The following WDR59 variants were observed in gnomAD, a reference collection of about 807,000 sequenced individuals.
WDR59 encodes WD repeat domain 59.
Under a neutral mutation model 131.2 loss-of-function variants are expected in WDR59, and 100 were observed. The ratio of observed to expected loss-of-function variants is 0.76; its 90% CI spans 0.65 to 0.90. WDR59 has a LOEUF of 0.90. Ranked by LOEUF, WDR59 falls within the 40% of genes least tolerant of loss-of-function variation. The pLI is 0.00. For synonymous variants in WDR59, 601 were observed against 466.2 expected (o/e 1.29, Z -3.72); for missense variants, 1,203 against 1,262.2 (o/e 0.95, Z 0.71).
At chr16:74,910,306 G>A (rs1428739144) in intron 14 of WDR59, among the ~76,000 whole-genome samples, 2 of 152,108 alleles carry the variant, frequency 1.3e-5, no homozygotes, top group African/African-American at 2.4e-5. Context: ...CAGACACAAG[G>A]GTGATGCTGG....
At chr16:74,886,731 C>A (rs977413814) in intron 23 of WDR59, among the ~76,000 whole-genome samples, 2 of 151,904 alleles carry the variant, frequency 1.3e-5, no homozygotes, top group Admixed American at 6.6e-5. Flanking sequence ...ACCAGCCTGA[C>A]GAACATAGTG....
intron 14 of WDR59, chr16:74,911,982 A>C: frequency 3.4e-6 from 2 of 581,912 alleles, no homozygotes; most frequent in Non-Finnish European, 6.0e-6. Context: ...TTAGAATTCA[A>C]AGGAAGTCTA....
In WDR59 at chr16:74,915,751, CAGAG is replaced by C; in HGVS notation, c.1224+115_1224+118del. 6 of 1,463,806 alleles carry C rather than the reference CAGAG, an allele frequency of 4.1e-6. No individual in the cohort carries two copies. The South Asian group carries it at 7.5e-5, about 18-fold the overall frequency. The allele number at this position is 1,463,806 out of a possible 1,614,324, so 90.7% of individuals were successfully genotyped here. A position where few individuals can be genotyped will look rare whatever the true frequency, so the allele number is the denominator to read the frequency against. Reference sequence around the variant, plus strand: ...AAAACCCAGGAAATAAAAAAGCAAGCAGAGAGAGTTCTGTTAAAGCTGCAAAGCT... The same window carrying C: ...AAAACCCAGGAAATAAAAAAGCAAGCAGAGTTCTGTTAAAGCTGCAAAGCT... On this transcript the variant is annotated intron_variant, in intron 13 of 25. Transcript: ENST00000262144.
chr16:74,916,350 G>A, intron 11 of WDR59, 91 bp from the exon 12 acceptor site: 2 of 1,537,618 alleles, frequency 1.3e-6, no homozygotes, highest in Non-Finnish European at 1.8e-6. Flanking sequence ...AAAATGGGAA[G>A]GGCAAAGGAT....
At chr16:74,954,283 T>C (rs539505559) in intron 3 of WDR59, among the ~76,000 whole-genome samples, 1 of 149,692 alleles carries the variant, frequency 6.7e-6, no homozygotes, top group South Asian at 2.1e-4. Flanking sequence ...TCATGTGTGC[T>C]TGTAATCCCA....
intron 25 of WDR59, among the ~76,000 whole-genome samples, chr16:74,878,301 AAG>A (rs1964315601): frequency 1.3e-5 from 2 of 152,262 alleles, no homozygotes; most frequent in South Asian, 4.1e-4. Flanking sequence ...ATCTATTACA[AAG>A]ACTGGCATAT....
intron 14 of WDR59, 170 bp downstream of exon 14, chr16:74,912,028 T>C: frequency 1.2e-6 from 1 of 860,498 alleles, no homozygotes. Flanking sequence ...TGCTCTGATG[T>C]TTTCTGCACA....
chr16:74,951,374 C>T, intron 4 of WDR59, 84 bp downstream of exon 4: 1 of 1,340,260 alleles, frequency 7.5e-7, no homozygotes, highest in Non-Finnish European at 1.0e-6. Context: ...TCAAGCCATG[C>T]AAGGAGGACG....
intron 1 of WDR59, among the ~76,000 whole-genome samples, chr16:74,975,782 A>G (rs553735556): frequency 6.6e-6 from 1 of 152,080 alleles, no homozygotes; most frequent in Non-Finnish European, 1.5e-5. Flanking sequence ...AAATCTTAAC[A>G]CAGTCTGGCA....
At chr16:74,937,578 T>C (rs540425335) in intron 8 of WDR59, among the ~76,000 whole-genome samples, 7 of 152,196 alleles carry the variant, frequency 4.6e-5, no homozygotes, top group Non-Finnish European at 7.3e-5. Context: ...CTCAGCTCAA[T>C]GCAACCTTTG....
chr16:74,886,513 G>A (rs923851521), intron 23 of WDR59, 117 bp from the exon 24 acceptor site: 3 of 1,344,604 alleles, frequency 2.2e-6, no homozygotes, highest in East Asian at 4.9e-5. Context: ...TGTTAAGCGA[G>A]GCTGAATATT....
chr16:74,892,560 T>C lies in WDR59; in HGVS notation c.2006A>G (p.Asn669Ser). Residue 669 changes from asparagine (N) to serine (S), a missense_variant, in exon 20 of 26, where the codon AAT becomes AGT. By Grantham distance (46) the Asn-to-Ser change is conservative. Coordinates refer to ENST00000262144, the MANE Select transcript of WDR59 (RefSeq NM_030581.4). ...ACATGTTTCCTGAATATCATTCACA[T>C]TCAATCTGAAATTTTTTAAAAAGAA... Reference protein sequence around the residue: ...HKSLGELYILNVNDIQETCQK... With the variant: ...HKSLGELYILSVNDIQETCQK... The C allele has an allele frequency of 6.2e-7, 1 of 1,613,122 alleles. No homozygotes were observed. The highest frequency in any genetic ancestry group is 8.5e-7 in the Non-Finnish European group (1 of 1,179,610).
rs71378720 is a variant in WDR59, at chr16:74,941,340, CA to C, written c.534+1397del. 5.7e-3 allele frequency among the ~76,000 whole-genome samples: 624 copies of C among 109,806 alleles called. 3 individuals are homozygous for C. Among genetic ancestry groups the C allele is most frequent in the African/African-American group, 0.016 (458 of 29,462 alleles). 72.0% of individuals were successfully genotyped at this position (109,806 alleles called of 152,430 possible). A position where few individuals can be genotyped will look rare whatever the true frequency, so the allele number is the denominator to read the frequency against. ...TGGGTGACAGAATGAGGCTCCATCT[CA>C]AAAAAAAAAAAAAAGAAGGGGAAAA... On this transcript the variant is annotated intron_variant, in intron 7 of 25. Coordinates refer to ENST00000262144, the MANE Select transcript of WDR59 (RefSeq NM_030581.4).
intron 1 of WDR59, among the ~76,000 whole-genome samples, chr16:74,979,838 C>CTT (rs56943510): frequency 9.9e-5 from 6 of 60,506 alleles, no homozygotes; most frequent in East Asian, 7.5e-4. Flanking sequence ...CACACCCGGC[C>CTT]TTTTTTTTTT....
Position 74,938,196 on chromosome 16 carries a change from T to C in WDR59, c.605A>G (p.Asp202Gly). 1 of 1,574,380 alleles carries C rather than the reference T, an allele frequency of 6.4e-7. No homozygotes were observed. Among genetic ancestry groups the C allele is most frequent in the Non-Finnish European group, 8.6e-7 (1 of 1,160,010 alleles). The change falls in exon 8 of 26, where the codon GAC (aspartate) becomes GGC (glycine). Residue 202 changes from aspartate to glycine, a missense_variant. By Grantham distance (94) the Asp-to-Gly change is moderately conservative (BLOSUM62 -1). Transcript: ENST00000262144. The part of the protein sequence containing the change: ...SKIHGLDWHP[D>G]SEHILATSSQ... ...GGAGGTAGCAAGAATGTGCTCGCTG[T>C]CTGGGTGCCAGTCCAGGCCATGGAT... is the stretch of plus-strand genomic sequence containing the variant.
At chr16:74,958,850 G>C (rs112185162) in intron 2 of WDR59, among the ~76,000 whole-genome samples, 3 of 72,678 alleles carry the variant, frequency 4.1e-5, no homozygotes, top group Admixed American at 1.5e-4. Context: ...ATCACCTGAG[G>C]TCAGGAGTTC....
chr16:74,891,109 T>A (rs1965022173), intron 20 of WDR59, among the ~76,000 whole-genome samples: 1 of 134,040 alleles, frequency 7.5e-6, no homozygotes, highest in South Asian at 2.3e-4. Context: ...CGAGACTCTG[T>A]CTCAAAAAAA....
chr16:74,952,786 C>T (rs1312453860), intron 3 of WDR59, among the ~76,000 whole-genome samples: 7 of 148,632 alleles, frequency 4.7e-5, no homozygotes, highest in Middle Eastern at 3.3e-3. Context: ...TATATATATA[C>T]ACATTAGACT....
chr16:74,961,170 G>T (rs974215228), intron 2 of WDR59, among the ~76,000 whole-genome samples: 1 of 151,802 alleles, frequency 6.6e-6, no homozygotes. Flanking sequence ...CCAGACAGGC[G>T]TGGTGGTACA....
Sources: gnomAD v4.1 joint callset for allele counts (sites outside exome capture counted in the v4.1 genomes callset) on GRCh38, gnomAD v4.1.1 for gene constraint, MANE v1.5 for transcripts, NCBI Gene and HGNC (gene_info 2026-07-23, HGNC 2026-07-21) for gene names.